Variants in BARD1 observed in about 807,000 individuals in gnomAD.
BARD1 encodes the protein BRCA1-associated RING domain protein 1.
Under a neutral mutation model 77.0 loss-of-function variants are expected in BARD1, and 73 were observed. The observed-to-expected ratio is 0.95, with a 90% CI of 0.79 to 1.15. The LOEUF (loss-of-function observed/expected upper bound fraction) is 1.15. BARD1 is among the 50% of genes most tolerant of loss of function. BARD1 has a pLI of 0.00. For missense variants in BARD1, 993 were observed against 938.8 expected, an observed-to-expected ratio of 1.06 and a Z score of -0.75; for synonymous variants, 384 against 338.0, an observed-to-expected ratio of 1.14 and a Z score of -1.49.
intron 9 of BARD1, among the ~76,000 whole-genome samples, chr2:214,732,744 A>G (rs1246370533): frequency 6.6e-6 from 1 of 152,214 alleles, no homozygotes; most frequent in Non-Finnish European, 1.5e-5. Flanking sequence ...GAGAAGAAAA[A>G]GAAATGCAAT....
In BARD1 at chr2:214,745,704, A is replaced by C. The variant is rs1356206032; in HGVS notation, c.1810+18T>G. Reference sequence around the variant, plus strand: ...TAACATTTTTTCTACCCCACCTCCCAAAATTCAAAATCCTCACCTGTACTG... The same window carrying C: ...TAACATTTTTTCTACCCCACCTCCCCAAATTCAAAATCCTCACCTGTACTG... On this transcript the variant is annotated intron_variant, in intron 8 of 10. Coordinates refer to ENST00000260947, the MANE Select transcript of BARD1 (RefSeq NM_000465.4). 1 of 1,613,958 alleles carries C rather than the reference A, an allele frequency of 6.2e-7. No individual in the cohort carries two copies. The highest frequency in any genetic ancestry group is 8.5e-7 in the Non-Finnish European group (1 of 1,179,894).
chr2:214,772,495 T>C (rs1018659086), intron 4 of BARD1, among the ~76,000 whole-genome samples: 1 of 151,986 alleles, frequency 6.6e-6, no homozygotes, highest in Non-Finnish European at 1.5e-5. Flanking sequence ...ATAAACACAA[T>C]TGTGAAATGG....
chr2:214,801,193 C>G (rs535063928), intron 1 of BARD1, among the ~76,000 whole-genome samples: 31 of 152,206 alleles, frequency 2.0e-4, no homozygotes, highest in African/African-American at 7.5e-4. Flanking sequence ...CACATGACAT[C>G]AGTATCACTC....
chr2:214,736,205 T>C (rs1692559016), intron 9 of BARD1, among the ~76,000 whole-genome samples: 1 of 151,992 alleles, frequency 6.6e-6, no homozygotes, highest in South Asian at 2.1e-4. Flanking sequence ...ACATTGAAAA[T>C]GAGACTCAAA....
intron 9 of BARD1, among the ~76,000 whole-genome samples, chr2:214,731,314 G>A (rs942878376): frequency 6.6e-6 from 1 of 152,120 alleles, no homozygotes; most frequent in Non-Finnish European, 1.5e-5. Context: ...CAATTGTCTC[G>A]CTAGGCTCTA....
intron 1 of BARD1, among the ~76,000 whole-genome samples, chr2:214,798,208 A>C (rs2106147887): frequency 6.6e-6 from 1 of 151,742 alleles, no homozygotes; most frequent in East Asian, 1.9e-4. Flanking sequence ...ATTTTCAGAA[A>C]GATTGCGAAA....
intron 6 of BARD1, among the ~76,000 whole-genome samples, chr2:214,760,858 T>G (rs1253629275): frequency 1.3e-5 from 2 of 150,828 alleles, no homozygotes; most frequent in Non-Finnish European, 3.0e-5. Context: ...CACTGCAACC[T>G]CCGCCTCCCG....
chr2:214,809,481 C>A lies in BARD1; in HGVS notation c.89G>T (p.Gly30Val). The A allele has an allele frequency of 1.2e-6, 2 of 1,609,222 alleles. No individual in the cohort carries two copies. Among genetic ancestry groups the A allele is most frequent in the Non-Finnish European group, 1.7e-6 (2 of 1,178,856 alleles). Residue 30 changes from glycine (G) to valine (V), a missense_variant, in exon 1 of 11, where the codon GGT becomes GTT. Physicochemically the swap from Gly to Val is moderately radical, Grantham distance 109. Transcript: ENST00000260947. ...GCGACTGTGGGCCCAGGCACCGCGA[C>A]CATCCGGTTCCATGGCGGGCGCGGA... ...PRSAPAMEPDGRGAWAHSRAA... is the reference protein window; with the variant it reads ...PRSAPAMEPDVRGAWAHSRAA...
In BARD1 at chr2:214,785,925, G is replaced by A. The variant is rs562581519; in HGVS notation, c.365-4416C>T. Among the ~76,000 whole-genome samples the A allele has an allele frequency of 6.7e-4, 102 of 151,964 alleles. 3 individuals are homozygous for A. Among genetic ancestry groups the A allele is most frequent in the African/African-American group, 2.0e-3 (84 of 41,416 alleles). On this transcript the variant is annotated intron_variant, in intron 3 of 10. Coordinates refer to ENST00000260947, the MANE Select transcript of BARD1 (RefSeq NM_000465.4). ...GTTATTCCTATTTTAAAAAGAAAGA[G>A]AAGAGAGAGAGAGACAGAGAAAAAG...
At chr2:214,790,185 C>A (rs115021313) in intron 3 of BARD1, among the ~76,000 whole-genome samples, 1 of 152,056 alleles carries the variant, frequency 6.6e-6, no homozygotes, top group Non-Finnish European at 1.5e-5. Flanking sequence ...TAACTGACAA[C>A]GGTAAATCCA....
intron 3 of BARD1, among the ~76,000 whole-genome samples, chr2:214,790,045 G>C (rs1254019055): frequency 6.6e-6 from 1 of 152,016 alleles, no homozygotes; most frequent in African/African-American, 2.4e-5. Context: ...TATCTTTAAT[G>C]ATGAAATATG....
At chr2:214,744,546 T>C (rs756091016) in intron 9 of BARD1, among the ~76,000 whole-genome samples, 1 of 152,184 alleles carries the variant, frequency 6.6e-6, no homozygotes, top group Non-Finnish European at 1.5e-5. Flanking sequence ...GTTGGTATTG[T>C]AGGAAAAAAG....
rs1219766307 is a variant in BARD1, at chr2:214,727,754, C to T, written c.*922G>A. ...GCCAACCTAAAAACTTTAAAAAAAACCTTTTCCTTTTACAAAGGAAGAAAT... is the reference window on the plus strand; with the variant it reads ...GCCAACCTAAAAACTTTAAAAAAAATCTTTTCCTTTTACAAAGGAAGAAAT... On this transcript the variant is annotated 3_prime_UTR_variant, in exon 11 of 11. Coordinates refer to ENST00000260947, the MANE Select transcript of BARD1 (RefSeq NM_000465.4). 4.4e-6 allele frequency: 1 copy of T among 227,236 alleles called. No homozygotes were observed. Among genetic ancestry groups the T allele is most frequent in the Non-Finnish European group, 8.7e-6 (1 of 114,356 alleles). The allele number at this position is 227,236 out of a possible 1,614,324, so 14.1% of individuals were successfully genotyped here.
At chr2:214,751,990 T>C (rs1693476144) in intron 7 of BARD1, among the ~76,000 whole-genome samples, 1 of 152,180 alleles carries the variant, frequency 6.6e-6, no homozygotes, top group Non-Finnish European at 1.5e-5. Flanking sequence ...CAGGCTTCAA[T>C]TCAAATCAGT....
In BARD1 at chr2:214,781,354, T is replaced by G. The variant is rs1060501295; in HGVS notation, c.520A>C (p.Ser174Arg). The change falls in exon 4 of 11, where the codon AGT becomes CGT. Residue 174 changes from serine to arginine, a missense_variant. By Grantham distance (110) the Ser-to-Arg change is moderately radical. Coordinates refer to ENST00000260947, the MANE Select transcript of BARD1 (RefSeq NM_000465.4). The stretch of plus-strand genomic sequence containing the variant: ...AATTCATATGAGTCTTGCTGAGCAC[T>G]TGCATCTTTTTTTATTGCAGGCTGG... Reference protein sequence around the residue: ...QTQPAIKKDASAQQDSYEFVS... With the variant: ...QTQPAIKKDARAQQDSYEFVS... 1 of 1,613,692 alleles carries G rather than the reference T, an allele frequency of 6.2e-7. No homozygotes were observed. The highest frequency in any genetic ancestry group is 8.5e-7 in the Non-Finnish European group (1 of 1,179,938).
chr2:214,730,976 A>C, intron 9 of BARD1: 1 of 452,700 alleles, frequency 2.2e-6, no homozygotes, highest in Non-Finnish European at 4.4e-6. Flanking sequence ...TTTGACATGA[A>C]GGAATGTGCT....
At chr2:214,769,087 C>A (rs1694349996) in intron 5 of BARD1, 145 bp downstream of exon 5, 3 of 701,766 alleles carry the variant, frequency 4.3e-6, no homozygotes, top group South Asian at 3.6e-5. Flanking sequence ...GGAAAGTAAT[C>A]ATGTTCTCAT....
intron 2 of BARD1, among the ~76,000 whole-genome samples, chr2:214,793,900 G>A (rs1382434183): frequency 6.6e-6 from 1 of 151,992 alleles, no homozygotes; most frequent in Non-Finnish European, 1.5e-5. Context: ...TCATGTAACA[G>A]AGTATAAAAA....
intron 4 of BARD1, among the ~76,000 whole-genome samples, chr2:214,772,781 G>A (rs3768713): frequency 0.2 from 29,976 of 152,016 alleles, 3,048 homozygotes; most frequent in South Asian, 0.23. Flanking sequence ...AATGTCATGC[G>A]CATAAATAAA....
Sources: gnomAD v4.1 joint callset for allele counts (sites outside exome capture counted in the v4.1 genomes callset) on GRCh38, gnomAD v4.1.1 for gene constraint, MANE v1.5 for transcripts, NCBI Gene and HGNC (gene_info 2026-07-23, HGNC 2026-07-21) for gene names.